ACLY: variants seen among roughly 807,000 people sequenced by gnomAD.
ACLY encodes the protein ATP citrate lyase.
A neutral mutation model predicts 133.0 loss-of-function variants in ACLY; 41 were observed. That is an observed-to-expected ratio of 0.31 (90% CI 0.24 to 0.40). ACLY has a LOEUF of 0.40. ACLY is among the 10% of genes least tolerant of loss of function. The pLI, the probability that ACLY is intolerant of heterozygous loss-of-function variation, is 1.00. For missense variants in ACLY, 1,046 were observed against 1,453.8 expected, an observed-to-expected ratio of 0.72 and a Z score of 4.56; for synonymous variants, 495 against 549.3, an observed-to-expected ratio of 0.90 and a Z score of 1.38.
rs781943673 is a variant in ACLY, at chr17:41,871,844, A to T, written c.2794-12T>A. On this transcript the variant is annotated splice_polypyrimidine_tract_variant and intron_variant, in intron 24 of 28. Coordinates refer to ENST00000352035, the MANE Select transcript of ACLY (RefSeq NM_001096.3). ...CCAAACCGATCCCCCTGGAGGAGAA[A>T]CAAGTGCGTGTTGCCTTGAGCTTTA... 1.4e-5 allele frequency: 22 copies of T among 1,613,340 alleles called. No homozygotes were observed. The Admixed American group carries it at 3.5e-4, about 26-fold the overall frequency.
intron 18 of ACLY, 86 bp downstream of exon 18, chr17:41,886,025 CA>C: frequency 7.4e-7 from 1 of 1,347,640 alleles, no homozygotes; most frequent in South Asian, 1.3e-5. Flanking sequence ...AACTCAGGGG[CA>C]GCAAGCAGCC....
chr17:41,869,129 G>C lies in ACLY; in HGVS notation c.3052-4C>G. 1 of 1,605,742 alleles carries C rather than the reference G, an allele frequency of 6.2e-7. No homozygotes were observed. The highest frequency in any genetic ancestry group is 8.5e-7 in the Non-Finnish European group (1 of 1,177,228). ...CATTCAGGATAAGATTTGGCTTCTG[G>C]GAAGGCAAAAAAATTCAAAGCATTT... On this transcript the variant is annotated splice_polypyrimidine_tract_variant and splice_region_variant and intron_variant, in intron 26 of 28. Coordinates refer to ENST00000352035, the MANE Select transcript of ACLY (RefSeq NM_001096.3).
At chr17:41,914,522 G>T (rs1168104955) in intron 1 of ACLY, among the ~76,000 whole-genome samples, 5 of 152,188 alleles carry the variant, frequency 3.3e-5, no homozygotes, top group Admixed American at 2.6e-4. Context: ...AGTAGGGGAG[G>T]GGGGAGGATC....
At chr17:41,907,686 T>A in intron 6 of ACLY, 114 bp from the exon 7 acceptor site, 2 of 1,212,156 alleles carry the variant, frequency 1.6e-6, no homozygotes, top group Non-Finnish European at 2.3e-6. Context: ...GCCTCAGAAC[T>A]CTCTAAGCTC....
chr17:41,920,957 G>A (rs1001406555), upstream of ACLY, among the ~76,000 whole-genome samples: 9 of 152,072 alleles, frequency 5.9e-5, no homozygotes, highest in African/African-American at 2.2e-4. Flanking sequence ...AGCTACTCAG[G>A]AGGCTGAGTC....
At chr17:41,869,422 C>T in intron 26 of ACLY, 52 bp downstream of exon 26, 1 of 1,449,882 alleles carries the variant, frequency 6.9e-7, no homozygotes, top group Non-Finnish European at 9.7e-7. Flanking sequence ...CTCCTGTTTC[C>T]TCCAATAAAC....
At chr17:41,884,048 A>G in intron 19 of ACLY, 145 bp downstream of exon 19, 3 of 608,798 alleles carry the variant, frequency 4.9e-6, no homozygotes, top group Non-Finnish European at 8.7e-6. Flanking sequence ...AATAGTGACA[A>G]CCTTGAGGCC....
Position 41,884,165 on chromosome 17 carries a change from C to A in ACLY, c.2154+28G>T, listed in dbSNP as rs369646940. 3 of 1,399,298 alleles carry A rather than the reference C, an allele frequency of 2.1e-6. No homozygotes were observed. In the African/African-American group the frequency reaches 4.3e-5, roughly 20 times the overall value. The allele number at this position is 1,399,298 out of a possible 1,614,324, so 86.7% of individuals were successfully genotyped here. ...AGATCATGCATTACAGTTTTAAAAT[C>A]ATAATTTTTTTTTTTAAAGTAACTC... is the stretch of plus-strand genomic sequence containing the variant. On this transcript the variant is annotated intron_variant, in intron 19 of 28. Transcript: ENST00000352035.
rs73307761 is a variant in ACLY at position 41,894,592 on chromosome 17, C to T, written c.1460-1418G>A. Reference sequence around the variant, plus strand: ...CAACAAAGAAAAACCTTCCATGATGCGATTATTACGCATTGCACGCCTGTA... The same window carrying T: ...CAACAAAGAAAAACCTTCCATGATGTGATTATTACGCATTGCACGCCTGTA... On this transcript the variant is annotated intron_variant, in intron 14 of 28. Coordinates refer to ENST00000352035, the MANE Select transcript of ACLY (RefSeq NM_001096.3). 5.8e-3 allele frequency among the ~76,000 whole-genome samples: 877 copies of T among 151,314 alleles called. 5 individuals are homozygous for T. Among genetic ancestry groups the T allele is most frequent in the African/African-American group, 0.02 (845 of 41,240 alleles).
chr17:41,901,448 C>T (rs1555631580), intron 11 of ACLY, among the ~76,000 whole-genome samples: 1 of 152,124 alleles, frequency 6.6e-6, no homozygotes, highest in African/African-American at 2.4e-5. Context: ...GCACAAAGCC[C>T]AGCACAGAGC....
At position 41,887,605 on chromosome 17, in the gene ACLY, A is replaced by G. The variant is rs569355443; in HGVS notation, c.1869T>C (p.Pro623=). 8.4e-5 allele frequency: 136 copies of G among 1,613,648 alleles called. No individual in the cohort carries two copies. The East Asian group carries it at 3.0e-3, about 36-fold the overall frequency. The change falls in exon 17 of 29, where the codon CCT becomes CCC. Residue 623 remains proline, a synonymous_variant. Coordinates refer to ENST00000352035, the MANE Select transcript of ACLY (RefSeq NM_001096.3). ...TTCCGGAGGGGAAGCTCACAGTGGC[A>G]GGTCCGATGATGGTCACTCCCTTCT... The part of the protein sequence containing the change: ...ADQKGVTIIG[P]ATVGGIKPGC...
chr17:41,905,555 G>C lies in ACLY; in HGVS notation c.970C>G (p.Leu324Val), dbSNP rs782628207. 31 of 1,614,100 alleles carry C rather than the reference G, an allele frequency of 1.9e-5. No homozygotes were observed. The highest frequency in any genetic ancestry group is 2.6e-5 in the Non-Finnish European group (31 of 1,180,060). Residue 324 changes from leucine to valine, a missense_variant, in exon 9 of 29, where the codon CTC (leucine) becomes GTC (valine). Leu to Val is a conservative substitution (Grantham distance 32). This residue lies in a region of ACLY where 575 missense variants were observed against 804.2 expected (regional missense o/e 0.71). Coordinates refer to ENST00000352035, the MANE Select transcript of ACLY (RefSeq NM_001096.3). ...QQTYDYAKTI[L>V]SLMTREKHPD... ...TGCTTCTCTCGGGTCATGAGGGAGA[G>C]GATAGTCTTGGCATAGTCATAGGTC...
chr17:41,914,565 G>T (rs118187743), intron 1 of ACLY, among the ~76,000 whole-genome samples: 7,208 of 152,210 alleles, frequency 0.047, 192 homozygotes, highest in East Asian at 0.11. Flanking sequence ...TTTTCTCCTG[G>T]ACACTAGCCT....
intron 16 of ACLY, among the ~76,000 whole-genome samples, chr17:41,890,480 C>G (rs537875364): frequency 6.8e-6 from 1 of 147,908 alleles, no homozygotes; most frequent in Non-Finnish European, 1.5e-5. Flanking sequence ...GTCGAGAGAT[C>G]GAGACCACCC....
intron 20 of ACLY, 71 bp downstream of exon 20, chr17:41,883,051 C>A: frequency 8.0e-7 from 1 of 1,252,018 alleles, no homozygotes; most frequent in Admixed American, 2.0e-5. Context: ...AAGATGATTA[C>A]CTGGTTCGCC....
chr17:41,885,020 C>A lies in ACLY; in HGVS notation c.2073-746G>T, dbSNP rs544999049. ...AAGTAGCTGGCACTACTGGCACATG[C>A]CACCACATCCGGCTAATTTTTTTTT... On this transcript the variant is annotated intron_variant, in intron 18 of 28. Transcript: ENST00000352035. Among the ~76,000 whole-genome samples the A allele has an allele frequency of 2.6e-5, 4 of 152,214 alleles. No homozygotes were observed. In the East Asian group the frequency reaches 7.7e-4, roughly 29 times the overall value.
Position 41,869,563 on chromosome 17 carries a change from G to C in ACLY, c.2962C>G (p.Gln988Glu), listed in dbSNP as rs1223306079. Residue 988 changes from glutamine to glutamate, a missense_variant, in exon 26 of 29, where the codon CAG becomes GAG. Gln to Glu is a conservative substitution (Grantham distance 29). Transcript: ENST00000352035. Reference protein sequence around the residue: ...KSINNPDMRVQILKDYVRQHF... With the variant: ...KSINNPDMRVEILKDYVRQHF... Reference sequence around the variant, plus strand: ...TGCCTGACGTAATCTTTGAGGATCTGCACTCGCATGTCTGGGTTGTTTATC... The same window carrying C: ...TGCCTGACGTAATCTTTGAGGATCTCCACTCGCATGTCTGGGTTGTTTATC... 1.3e-5 allele frequency: 21 copies of C among 1,613,976 alleles called. No individual in the cohort carries two copies. Among genetic ancestry groups the C allele is most frequent in the Non-Finnish European group, 1.7e-5 (20 of 1,179,976 alleles).
intron 1 of ACLY, among the ~76,000 whole-genome samples, chr17:41,926,473 T>C (rs1555635979): frequency 6.6e-6 from 1 of 152,226 alleles, no homozygotes; most frequent in East Asian, 1.9e-4. Flanking sequence ...TTATGATTGG[T>C]ATTTTATGGT....
At position 41,909,494 on chromosome 17, in the gene ACLY, G is replaced by A. The variant is rs554869054; in HGVS notation, c.536+16C>T. ...TCATCCGAACTGCCACCTCCCTACC[G>A]TCCCTCTCACTCAACTCTTTCTTGT... On this transcript the variant is annotated intron_variant, in intron 5 of 28. Transcript: ENST00000352035. The A allele has an allele frequency of 1.4e-5, 23 of 1,611,834 alleles. No homozygotes were observed. The highest frequency in any genetic ancestry group is 5.5e-5 in the South Asian group (5 of 90,936).
Sources: allele counts gnomAD v4.1 joint callset (sites outside exome capture counted in the v4.1 genomes callset), GRCh38; gene constraint gnomAD v4.1.1; regional missense constraint gnomAD v4.1.1; transcripts MANE v1.5; gene names NCBI Gene and HGNC (gene_info 2026-07-23, HGNC 2026-07-21).